The following NALF1 variants were observed in gnomAD, a reference collection of about 807,000 sequenced individuals.
NALF1 encodes the protein family with sequence similarity 155 member A.
A neutral mutation model predicts 48.4 loss-of-function variants in NALF1; 3 were observed. The ratio of observed to expected loss-of-function variants is 0.06; its 90% CI spans 0.03 to 0.16. NALF1 has a LOEUF of 0.16. Ranked by LOEUF, NALF1 falls within the 10% of genes least tolerant of loss-of-function variation. NALF1 has a pLI of 1.00. For missense variants in NALF1, 526 were observed against 571.5 expected (o/e 0.92, Z 0.81); for synonymous variants, 262 against 245.7 (o/e 1.07, Z -0.62).
At chr13:107,815,096 C>T (rs1879122758) in intron 1 of NALF1, among the ~76,000 whole-genome samples, 1 of 151,888 alleles carries the variant, frequency 6.6e-6, no homozygotes. Flanking sequence ...TTGGATGAAG[C>T]AATGGTTTCT....
intron 1 of NALF1, among the ~76,000 whole-genome samples, chr13:107,377,649 A>G (rs1020001162): frequency 6.6e-6 from 1 of 152,066 alleles, no homozygotes; most frequent in African/African-American, 2.4e-5. Context: ...AATGAAAGGA[A>G]TCTAAGATGT....
At position 107,400,441 on chromosome 13, in the gene NALF1, C is replaced by T. The variant is rs554164387; in HGVS notation, c.916-189686G>A. Among the ~76,000 whole-genome samples the T allele has an allele frequency of 7.2e-5, 11 of 152,054 alleles. 1 individual carries two copies. In the South Asian group the frequency reaches 1.2e-3, roughly 17 times the overall value. On this transcript the variant is annotated intron_variant, in intron 1 of 2. Transcript: ENST00000375915. ...ATCAGAAGCATGTTGTAAGGGTGGG[C>T]GTGATGGTTCACACCTGTAATCCCA...
chr13:107,627,553 G>A (rs1879710764), intron 1 of NALF1, among the ~76,000 whole-genome samples: 1 of 152,188 alleles, frequency 6.6e-6, no homozygotes, highest in Non-Finnish European at 1.5e-5. Context: ...AGCAGCATGG[G>A]TGTCAGCAAC....
At chr13:107,829,864 G>C (rs954420239) in intron 1 of NALF1, among the ~76,000 whole-genome samples, 1 of 152,024 alleles carries the variant, frequency 6.6e-6, no homozygotes, top group Non-Finnish European at 1.5e-5. Context: ...TTCTCTTTAT[G>C]CACTATCATC....
intron 1 of NALF1, among the ~76,000 whole-genome samples, chr13:107,739,379 A>G (rs1001773356): frequency 6.7e-6 from 1 of 148,314 alleles, no homozygotes; most frequent in South Asian, 2.1e-4. Flanking sequence ...TATATAATTA[A>G]GATAAAATAT....
chr13:107,405,492 A>C (rs1326954901), intron 1 of NALF1, among the ~76,000 whole-genome samples: 1 of 152,008 alleles, frequency 6.6e-6, no homozygotes, highest in Admixed American at 6.6e-5. Flanking sequence ...CTTCAAGATT[A>C]TTCATTTCTC....
intron 1 of NALF1, among the ~76,000 whole-genome samples, chr13:107,762,151 A>G (rs1052677220): frequency 1.3e-5 from 2 of 151,976 alleles, no homozygotes; most frequent in Non-Finnish European, 2.9e-5. Context: ...GGTGTGTGCT[A>G]TGGTGCCAGG....
chr13:107,217,739 C>T (rs1296648146), intron 1 of NALF1, among the ~76,000 whole-genome samples: 1 of 152,104 alleles, frequency 6.6e-6, no homozygotes, highest in Non-Finnish European at 1.5e-5. Context: ...CTCAATAGCT[C>T]TATGTCTGCC....
chr13:107,520,510 A>G (rs1876202897), intron 1 of NALF1, among the ~76,000 whole-genome samples: 1 of 152,242 alleles, frequency 6.6e-6, no homozygotes, highest in South Asian at 2.1e-4. Context: ...GAAAGCAGGG[A>G]AACATTTCAT....
intron 1 of NALF1, among the ~76,000 whole-genome samples, chr13:107,632,342 T>A (rs1879856869): frequency 6.6e-6 from 1 of 152,188 alleles, no homozygotes; most frequent in Non-Finnish European, 1.5e-5. Flanking sequence ...TGGATTCTGG[T>A]TTCTGAGGAA....
chr13:107,396,750 C>T (rs1264890993), intron 1 of NALF1, among the ~76,000 whole-genome samples: 1 of 152,170 alleles, frequency 6.6e-6, no homozygotes, highest in Non-Finnish European at 1.5e-5. Flanking sequence ...AAGCACAGTC[C>T]TCTCTCACCC....
intron 1 of NALF1, among the ~76,000 whole-genome samples, chr13:107,521,328 A>C (rs1429678525): frequency 6.6e-6 from 1 of 152,198 alleles, no homozygotes; most frequent in Non-Finnish European, 1.5e-5. Context: ...CAGTAACTTT[A>C]TACATATTCA....
intron 1 of NALF1, among the ~76,000 whole-genome samples, chr13:107,332,163 A>G (rs1489330090): frequency 6.6e-6 from 1 of 152,218 alleles, no homozygotes; most frequent in East Asian, 1.9e-4. Context: ...AGATTTTGTT[A>G]AAGTAGCAAT....
chr13:107,612,012 AAGAG>A (rs1304827076), intron 1 of NALF1, among the ~76,000 whole-genome samples: 1 of 138,246 alleles, frequency 7.2e-6, no homozygotes, highest in Non-Finnish European at 1.6e-5. Context: ...GAGACAGGGA[AAGAG>A]AGAGAGAAAG....
At chr13:107,732,321 C>T (rs938178744) in intron 1 of NALF1, among the ~76,000 whole-genome samples, 2 of 152,086 alleles carry the variant, frequency 1.3e-5, no homozygotes, top group African/African-American at 4.8e-5. Flanking sequence ...CCTATACATA[C>T]ACATATATGG....
At chr13:107,405,277 G>C (rs1000326863) in intron 1 of NALF1, among the ~76,000 whole-genome samples, 7 of 151,954 alleles carry the variant, frequency 4.6e-5, no homozygotes, top group African/African-American at 1.7e-4. Flanking sequence ...GGTCCTCTTA[G>C]CTTTGTTAAA....
At chr13:107,630,754 A>G (rs1188964630) in intron 1 of NALF1, among the ~76,000 whole-genome samples, 1 of 151,944 alleles carries the variant, frequency 6.6e-6, no homozygotes, top group Non-Finnish European at 1.5e-5. Context: ...AAATATATAT[A>G]TATATATTTA....
chr13:107,494,958 C>T (rs1875282588), intron 1 of NALF1, among the ~76,000 whole-genome samples: 1 of 152,210 alleles, frequency 6.6e-6, no homozygotes, highest in Admixed American at 6.5e-5. Flanking sequence ...GAGCATAAGA[C>T]AAGCAACTGC....
intron 1 of NALF1, among the ~76,000 whole-genome samples, chr13:107,811,186 A>T (rs551568385): frequency 6.6e-6 from 1 of 152,238 alleles, no homozygotes; most frequent in South Asian, 2.1e-4. Flanking sequence ...TCCCTACAGA[A>T]CACTATCTAA....
Sources: allele counts gnomAD v4.1 joint callset (sites outside exome capture counted in the v4.1 genomes callset), GRCh38; gene constraint gnomAD v4.1.1; transcripts MANE v1.5; gene names NCBI Gene and HGNC (gene_info 2026-07-23, HGNC 2026-07-21).